Variants in KIAA0825 observed in about 807,000 individuals in gnomAD.
KIAA0825 encodes KIAA0825, also known as uncharacterized protein KIAA0825.
KIAA0825 carries 119 observed loss-of-function variants against 147.6 expected under a neutral mutation model. The observed-to-expected ratio is 0.81, with a 90% CI of 0.69 to 0.94. The LOEUF (loss-of-function observed/expected upper bound fraction) is 0.94. KIAA0825 is among the 40% of genes least tolerant of loss of function. KIAA0825 has a pLI of 0.00. For synonymous variants in KIAA0825, 470 were observed against 518.1 expected, an observed-to-expected ratio of 0.91 and a Z score of 1.26; for missense variants, 1,381 against 1,472.7, an observed-to-expected ratio of 0.94 and a Z score of 1.02.
At chr5:94,303,258 A>T (rs186212303) in intron 20 of KIAA0825, among the ~76,000 whole-genome samples, 1 of 152,174 alleles carries the variant, frequency 6.6e-6, no homozygotes, top group East Asian at 1.9e-4. Flanking sequence ...CAATATCTCA[A>T]AACTAATATT....
intron 14 of KIAA0825, among the ~76,000 whole-genome samples, chr5:94,435,869 T>C (rs1414128418): frequency 2.0e-5 from 3 of 152,178 alleles, no homozygotes; most frequent in African/African-American, 4.8e-5. Flanking sequence ...TCTCTAATGA[T>C]CAGTGATGTT....
At chr5:94,168,552 C>T (rs1768284653) in intron 20 of KIAA0825, among the ~76,000 whole-genome samples, 1 of 152,168 alleles carries the variant, frequency 6.6e-6, no homozygotes, top group Non-Finnish European at 1.5e-5. Flanking sequence ...AACGGAAGCA[C>T]AGCCATCAGT....
chr5:94,578,280 A>C (rs1320631171), intron 2 of KIAA0825, among the ~76,000 whole-genome samples: 1 of 152,198 alleles, frequency 6.6e-6, no homozygotes, highest in Non-Finnish European at 1.5e-5. Flanking sequence ...GCATTAACTA[A>C]TTTAATCCTT....
At chr5:94,539,548 C>A (rs538913369) in intron 2 of KIAA0825, among the ~76,000 whole-genome samples, 4 of 152,128 alleles carry the variant, frequency 2.6e-5, no homozygotes, top group South Asian at 4.2e-4. Flanking sequence ...TTCTGGCAAA[C>A]CCCAAAGGGA....
At chr5:94,571,578 T>C (rs1779975075) in intron 2 of KIAA0825, among the ~76,000 whole-genome samples, 1 of 152,234 alleles carries the variant, frequency 6.6e-6, no homozygotes, top group African/African-American at 2.4e-5. Flanking sequence ...CAAATGTACC[T>C]TCTGTGGCTA....
At chr5:94,382,044 A>C (rs1458466359) in intron 20 of KIAA0825, among the ~76,000 whole-genome samples, 1 of 152,200 alleles carries the variant, frequency 6.6e-6, no homozygotes, top group East Asian at 1.9e-4. Context: ...CATACACTAG[A>C]ATGTAGTATA....
intron 5 of KIAA0825, among the ~76,000 whole-genome samples, chr5:94,504,033 G>A (rs185554215): frequency 9.4e-4 from 143 of 152,182 alleles, no homozygotes; most frequent in African/African-American, 3.3e-3. Context: ...GAGAGAAAGG[G>A]GCTCAATTCG....
chr5:94,391,614 G>A lies in KIAA0825; in HGVS notation c.3377C>T (p.Thr1126Met), dbSNP rs369988324. ...TTTGTGGCAGAGATCCAGGACCATC[G>A]TGTTTATTTTCTGCTCAGTCAGTTC... ...ALELTEQKIN[T>M]MVLDLCHKPG... Residue 1126 changes from threonine to methionine, a missense_variant, in exon 18 of 21, where the codon ACG (threonine) becomes ATG (methionine). By Grantham distance (81) the Thr-to-Met change is moderately conservative. Transcript: ENST00000682413. 26 of 1,551,484 alleles carry A rather than the reference G, an allele frequency of 1.7e-5. No homozygotes were observed. Among genetic ancestry groups the A allele is most frequent in the South Asian group, 1.5e-4 (13 of 84,052 alleles).
intron 20 of KIAA0825, among the ~76,000 whole-genome samples, chr5:94,354,608 C>G (rs570710013): frequency 1.3e-4 from 20 of 152,024 alleles, no homozygotes; most frequent in Non-Finnish European, 2.5e-4. Flanking sequence ...ATTTAGCTTA[C>G]GCTGTAATCA....
At chr5:94,221,114 A>G (rs1254537303) in intron 20 of KIAA0825, among the ~76,000 whole-genome samples, 2 of 152,128 alleles carry the variant, frequency 1.3e-5, no homozygotes, top group Non-Finnish European at 2.9e-5. Context: ...GTTGCATTTC[A>G]GTTTCATCAA....
intron 1 of KIAA0825, among the ~76,000 whole-genome samples, chr5:94,586,666 G>A (rs188709128): frequency 2.6e-5 from 4 of 152,188 alleles, no homozygotes; most frequent in Non-Finnish European, 5.9e-5. Context: ...AATAGAAAAA[G>A]AGGGAATCCT....
intron 20 of KIAA0825, among the ~76,000 whole-genome samples, chr5:94,300,239 G>A (rs1313995097): frequency 6.6e-6 from 1 of 152,000 alleles, no homozygotes; most frequent in Non-Finnish European, 1.5e-5. Flanking sequence ...CTGTAAAGGT[G>A]CATATACCTA....
chr5:94,604,502 T>C (rs1787115477), intron 1 of KIAA0825, among the ~76,000 whole-genome samples: 1 of 152,112 alleles, frequency 6.6e-6, no homozygotes, highest in Admixed American at 6.5e-5. Flanking sequence ...GAGGTTGCAG[T>C]GAGCTGAGAT....
intron 5 of KIAA0825, among the ~76,000 whole-genome samples, chr5:94,515,918 C>T (rs957522354): frequency 6.6e-6 from 1 of 152,020 alleles, no homozygotes; most frequent in African/African-American, 2.4e-5. Flanking sequence ...ATATTGTTCT[C>T]TTCTATAAAA....
chr5:94,458,616 T>A (rs147706310), intron 12 of KIAA0825, among the ~76,000 whole-genome samples: 167 of 152,220 alleles, frequency 1.1e-3, no homozygotes, highest in African/African-American at 3.5e-3. Context: ...TTGCGTTTTT[T>A]AAAAAATGAG....
intron 20 of KIAA0825, among the ~76,000 whole-genome samples, chr5:94,330,634 A>C (rs1022058937): frequency 2.0e-5 from 3 of 152,156 alleles, no homozygotes; most frequent in African/African-American, 7.2e-5. Context: ...CAATCATCTA[A>C]GATTATGATA....
intron 20 of KIAA0825, among the ~76,000 whole-genome samples, chr5:94,266,090 G>A (rs1389399562): frequency 1.3e-5 from 2 of 152,092 alleles, no homozygotes; most frequent in Non-Finnish European, 2.9e-5. Flanking sequence ...ACAGGTATTT[G>A]GCAGATATTT....
chr5:94,529,305 GT>G (rs1770145772), intron 3 of KIAA0825, among the ~76,000 whole-genome samples: 1 of 140,458 alleles, frequency 7.1e-6, no homozygotes, highest in African/African-American at 2.7e-5. Flanking sequence ...TCATATATAT[GT>G]ATATATCATA....
At chr5:94,365,198 C>A (rs753392509) in intron 20 of KIAA0825, among the ~76,000 whole-genome samples, 1 of 152,154 alleles carries the variant, frequency 6.6e-6, no homozygotes, top group Admixed American at 6.5e-5. Context: ...TGGGCACCCC[C>A]GCTCTCTCTC....
Sources: allele counts gnomAD v4.1 joint callset (sites outside exome capture counted in the v4.1 genomes callset), GRCh38; gene constraint gnomAD v4.1.1; transcripts MANE v1.5; gene names NCBI Gene and HGNC (gene_info 2026-07-23, HGNC 2026-07-21).